The following BAZ2B variants were observed in gnomAD, a reference collection of about 807,000 sequenced individuals.
BAZ2B encodes bromodomain adjacent to zinc finger domain protein 2B.
In BAZ2B, 91 loss-of-function variants were observed where a neutral mutation model predicts 246.0. The ratio of observed to expected loss-of-function variants is 0.37; its 90% CI spans 0.31 to 0.44. The LOEUF is 0.44. BAZ2B is among the 20% of genes least tolerant of loss of function. BAZ2B has a pLI of 1.00. For synonymous variants in BAZ2B, 855 were observed against 860.0 expected, an observed-to-expected ratio of 0.99 and a Z score of 0.10; for missense variants, 2,332 against 2,533.7, an observed-to-expected ratio of 0.92 and a Z score of 1.71.
At chr2:159,483,286 C>T (rs2079447391) in intron 2 of BAZ2B, among the ~76,000 whole-genome samples, 1 of 152,128 alleles carries the variant, frequency 6.6e-6, no homozygotes, top group Non-Finnish European at 1.5e-5. Flanking sequence ...CAGCCTCAAC[C>T]TCCTGGGCTC....
At chr2:159,544,736 A>G (rs1197732416) in intron 2 of BAZ2B, among the ~76,000 whole-genome samples, 1 of 152,186 alleles carries the variant, frequency 6.6e-6, no homozygotes, top group Non-Finnish European at 1.5e-5. Flanking sequence ...ATGGATTGGC[A>G]TTGGGTAAGG....
At chr2:159,582,507 C>T (rs1174161278) in intron 1 of BAZ2B, among the ~76,000 whole-genome samples, 3 of 152,198 alleles carry the variant, frequency 2.0e-5, no homozygotes, top group East Asian at 1.9e-4. Flanking sequence ...GCTCAGCCTC[C>T]GGAGTAGCTG....
chr2:159,516,518 C>G (rs923879572), intron 2 of BAZ2B: 3 of 152,402 alleles, frequency 2.0e-5, no homozygotes, highest in African/African-American at 4.8e-5. Context: ...CTAAAATCTA[C>G]CTAACACAAC....
At chr2:159,634,023 A>C in the BAZ2B span, among the ~76,000 whole-genome samples, 1 of 152,102 alleles carries the variant, frequency 6.6e-6, no homozygotes, top group South Asian at 2.1e-4. Context: ...TACAGGTGTG[A>C]GCCACCGTGC....
At chr2:159,438,094 T>C (rs533786923) in intron 8 of BAZ2B, 32 of 496,008 alleles carry the variant, frequency 6.5e-5, no homozygotes, top group African/African-American at 4.5e-4. Context: ...AATGACATGA[T>C]TGCATTGCCA....
intron 2 of BAZ2B, among the ~76,000 whole-genome samples, chr2:159,511,631 C>G (rs1447852150): frequency 1.3e-5 from 2 of 152,002 alleles, no homozygotes; most frequent in African/African-American, 4.8e-5. Flanking sequence ...TTCTTTTTCC[C>G]CAACTGAATC....
chr2:159,520,965 AATTT>A (rs1460313548), intron 2 of BAZ2B, among the ~76,000 whole-genome samples: 1 of 152,124 alleles, frequency 6.6e-6, no homozygotes, highest in Non-Finnish European at 1.5e-5. Flanking sequence ...TAGCCATTAA[AATTT>A]ATTTCTGAAC....
chr2:159,409,093 C>A (rs1469845245), intron 14 of BAZ2B, among the ~76,000 whole-genome samples: 1 of 151,020 alleles, frequency 6.6e-6, no homozygotes, highest in Non-Finnish European at 1.5e-5. Flanking sequence ...TTTTGAAATA[C>A]TAATTTGGAA....
intron 36 of BAZ2B, among the ~76,000 whole-genome samples, chr2:159,323,065 G>A (rs2062918066): frequency 1.6e-5 from 2 of 128,200 alleles, no homozygotes; most frequent in African/African-American, 2.5e-5. Context: ...GTAACTCACT[G>A]CAACCTGCAC....
chr2:159,370,378 C>CTTTTTTT (rs55760591), intron 27 of BAZ2B, among the ~76,000 whole-genome samples: 1 of 92,258 alleles, frequency 1.1e-5, no homozygotes, highest in Non-Finnish European at 2.2e-5. Flanking sequence ...ACTGTACTAC[C>CTTTTTTT]TTTTTTTTTT....
At chr2:159,589,332 T>G (rs1197672056) in intron 1 of BAZ2B, among the ~76,000 whole-genome samples, 1 of 151,764 alleles carries the variant, frequency 6.6e-6, no homozygotes, top group Non-Finnish European at 1.5e-5. Context: ...AAGCCAACTT[T>G]CATAAAAAAT....
At chr2:159,495,556 C>T (rs886338114) in intron 2 of BAZ2B, among the ~76,000 whole-genome samples, 6 of 147,382 alleles carry the variant, frequency 4.1e-5, no homozygotes, top group African/African-American at 7.6e-5. Context: ...AAATAGATTG[C>T]CATCTTAGAA....
chr2:159,451,491 A>T, intron 4 of BAZ2B, among the ~76,000 whole-genome samples: 1 of 152,210 alleles, frequency 6.6e-6, no homozygotes, highest in East Asian at 1.9e-4. Flanking sequence ...GGAAATCTGC[A>T]AATTAAACAA....
At chr2:159,338,010 G>A (rs991078669) in intron 31 of BAZ2B, among the ~76,000 whole-genome samples, 3 of 152,084 alleles carry the variant, frequency 2.0e-5, no homozygotes, top group African/African-American at 7.2e-5. Flanking sequence ...AAAGGTATAA[G>A]AACAATCAGC....
chr2:159,559,614 A>G (rs949556865), intron 1 of BAZ2B, among the ~76,000 whole-genome samples: 1 of 152,206 alleles, frequency 6.6e-6, no homozygotes, highest in African/African-American at 2.4e-5. Flanking sequence ...AAAACTAGTA[A>G]AGGCATTCCT....
At chr2:159,330,859 A>T (rs13017002) in intron 34 of BAZ2B, among the ~76,000 whole-genome samples, 51,956 of 152,048 alleles carry the variant, frequency 0.34, 11,614 homozygotes, top group Non-Finnish European at 0.51. Context: ...ATTCTGTCTT[A>T]AAAAACAAAG....
the BAZ2B span, among the ~76,000 whole-genome samples, chr2:159,688,324 A>G: frequency 3.3e-5 from 5 of 152,202 alleles, no homozygotes; most frequent in African/African-American, 1.2e-4. Context: ...CACCAGGTCC[A>G]GCCCAGACAT....
chr2:159,433,017 T>C lies in BAZ2B; in HGVS notation c.1640A>G (p.Asn547Ser). 3 of 1,614,198 alleles carry C rather than the reference T, an allele frequency of 1.9e-6. No homozygotes were observed. Among genetic ancestry groups the C allele is most frequent in the Non-Finnish European group, 1.7e-6 (2 of 1,180,018 alleles). Reference protein sequence around the residue: ...LSTSGRRTPGNQTPVMPSASP... With the variant: ...LSTSGRRTPGSQTPVMPSASP... ...GGCAGAGGGCATTACAGGTGTCTGA[T>C]TGCCAGGGGTTCTTCTCCCACTTGT... The change falls in exon 9 of 37, where the codon AAT becomes AGT. Residue 547 changes from asparagine (N) to serine (S), a missense_variant. Physicochemically the swap from Asn to Ser is conservative, Grantham distance 46. This residue lies in a region of BAZ2B where 651 missense variants were observed against 650.9 expected (regional missense o/e 1.00). Transcript: ENST00000392783.
intron 13 of BAZ2B, among the ~76,000 whole-genome samples, chr2:159,426,063 G>C (rs56315281): frequency 0.036 from 5,482 of 152,220 alleles, 286 homozygotes; most frequent in African/African-American, 0.1. Flanking sequence ...AATTACGAAT[G>C]TTTTCCCCTA....
Sources: allele counts gnomAD v4.1 joint callset (sites outside exome capture counted in the v4.1 genomes callset), GRCh38; gene constraint gnomAD v4.1.1; regional missense constraint gnomAD v4.1.1; transcripts MANE v1.5; gene names NCBI Gene and HGNC (gene_info 2026-07-23, HGNC 2026-07-21).